The following ARID5B variants were observed in gnomAD, a reference collection of about 807,000 sequenced individuals.
ARID5B encodes the protein AT-rich interactive domain-containing protein 5B.
In ARID5B, 13 loss-of-function variants were observed where a neutral mutation model predicts 97.2. The observed-to-expected ratio is 0.13, with a 90% CI of 0.09 to 0.21. The LOEUF is 0.21. Among genes scored for constraint, ARID5B ranks in the 10% least tolerant of loss-of-function variants. The pLI is 1.00. For synonymous variants in ARID5B, 556 were observed against 570.3 expected (o/e 0.97, Z 0.36); for missense variants, 1,210 against 1,465.3 (o/e 0.83, Z 2.84).
chr10:61,926,776 T>G (rs1307731130), intron 2 of ARID5B, among the ~76,000 whole-genome samples: 3 of 151,530 alleles, frequency 2.0e-5, no homozygotes, highest in Non-Finnish European at 4.4e-5. Context: ...ACCCAGCTAG[T>G]TTTTGGGTTT....
chr10:61,944,574 G>A (rs1844470656), intron 3 of ARID5B, among the ~76,000 whole-genome samples: 1 of 152,236 alleles, frequency 6.6e-6, no homozygotes, highest in African/African-American at 2.4e-5. Flanking sequence ...TTTAAGCGAA[G>A]TATGAAAGCT....
intron 4 of ARID5B, chr10:62,025,058 G>T (rs766169436): frequency 7.7e-4 from 129 of 167,044 alleles, no homozygotes; most frequent in Non-Finnish European, 1.4e-3. Flanking sequence ...TCTCACCATG[G>T]ACCTGATAGC....
rs1422950738 is a variant in ARID5B, at chr10:62,091,303, G to T, written c.1840G>T (p.Asp614Tyr). 6.2e-7 allele frequency: 1 copy of T among 1,614,178 alleles called. No homozygotes were observed. The highest frequency in any genetic ancestry group is 8.5e-7 in the Non-Finnish European group (1 of 1,180,030). ...PLANQNETED[D>Y]KLPAMADYIA... ...GGCAAACCAGAATGAGACGGAGGAT[G>T]ACAAACTGCCCGCCATGGCAGATTA... Residue 614 changes from aspartate (D) to tyrosine (Y), a missense_variant, in exon 10 of 10, where the codon GAC becomes TAC. Transcript: ENST00000279873.
At chr10:62,019,871 A>G (rs571450991) in intron 4 of ARID5B, among the ~76,000 whole-genome samples, 1 of 152,174 alleles carries the variant, frequency 6.6e-6, no homozygotes, top group African/African-American at 2.4e-5. Context: ...GGAGCCACAG[A>G]ATTAGCAAGG....
At chr10:61,968,185 TATAC>T (rs1838573028) in intron 3 of ARID5B, among the ~76,000 whole-genome samples, 2 of 126,340 alleles carry the variant, frequency 1.6e-5, no homozygotes, top group African/African-American at 5.9e-5. Flanking sequence ...CACACATATT[TATAC>T]ACACACACAC....
chr10:61,973,329 G>C (rs913441131), intron 3 of ARID5B, among the ~76,000 whole-genome samples: 1 of 152,158 alleles, frequency 6.6e-6, no homozygotes, highest in Non-Finnish European at 1.5e-5. Flanking sequence ...TCTGTGAAAG[G>C]GTTAACCCAA....
At chr10:61,930,576 C>T (rs1006624514) in intron 2 of ARID5B, among the ~76,000 whole-genome samples, 33 of 151,586 alleles carry the variant, frequency 2.2e-4, no homozygotes, top group Non-Finnish European at 4.4e-4. Context: ...AAAAATTAGC[C>T]GGGTGTGATG....
intron 2 of ARID5B, among the ~76,000 whole-genome samples, chr10:61,903,825 C>T (rs1317520793): frequency 2.0e-5 from 3 of 152,008 alleles, no homozygotes; most frequent in Admixed American, 6.5e-5. Flanking sequence ...TACTGGAGTT[C>T]GTCGAAACGT....
In ARID5B at chr10:62,091,839, C is replaced by T. The variant is rs1464478506; in HGVS notation, c.2376C>T (p.His792=). The T allele has an allele frequency of 3.7e-6, 6 of 1,614,102 alleles. No homozygotes were observed. In the East Asian group the frequency reaches 1.3e-4, roughly 36 times the overall value. Reference sequence around the variant, plus strand: ...ACCGCTGCAGCTTCTCCAAGCATCACCTTAACCCCCTTGCTGACTCCTACG... The same window carrying T: ...ACCGCTGCAGCTTCTCCAAGCATCATCTTAACCCCCTTGCTGACTCCTACG... ...DPHRCSFSKH[H]LNPLADSYVL... Residue 792 remains histidine (H), a synonymous_variant, in exon 10 of 10, where the codon CAC becomes CAT. Transcript: ENST00000279873.
intron 3 of ARID5B, among the ~76,000 whole-genome samples, chr10:61,999,468 C>T (rs1034997136): frequency 4.6e-5 from 7 of 152,194 alleles, no homozygotes; most frequent in Non-Finnish European, 1.0e-4. Flanking sequence ...CAACACAGTA[C>T]ACTGTAGAGT....
chr10:61,978,623 T>C (rs1838733914), intron 3 of ARID5B, among the ~76,000 whole-genome samples: 1 of 152,240 alleles, frequency 6.6e-6, no homozygotes, highest in African/African-American at 2.4e-5. Flanking sequence ...TTTGAAGCAA[T>C]TGTGAATGGG....
chr10:61,905,527 T>A (rs1843694462), intron 2 of ARID5B, among the ~76,000 whole-genome samples: 2 of 151,694 alleles, frequency 1.3e-5, no homozygotes, highest in African/African-American at 4.8e-5. Context: ...TGTACACCCA[T>A]TTTACAGATG....
At chr10:62,077,553 C>T (rs1840154995) in intron 8 of ARID5B, among the ~76,000 whole-genome samples, 1 of 152,102 alleles carries the variant, frequency 6.6e-6, no homozygotes, top group South Asian at 2.1e-4. Flanking sequence ...TGCCAAACAG[C>T]AGTTTTTCTT....
intron 3 of ARID5B, among the ~76,000 whole-genome samples, chr10:61,974,857 A>C (rs1307854098): frequency 6.6e-6 from 1 of 152,086 alleles, no homozygotes; most frequent in Admixed American, 6.5e-5. Flanking sequence ...AACAGTTTGG[A>C]AAATGAAGTA....
intron 3 of ARID5B, among the ~76,000 whole-genome samples, chr10:61,991,706 T>G (rs978935855): frequency 2.0e-5 from 3 of 152,194 alleles, no homozygotes; most frequent in Admixed American, 6.5e-5. Context: ...TTTGTTGTTT[T>G]CTTATGTGCT....
At chr10:62,073,291 T>C (rs1447629964) in intron 8 of ARID5B, among the ~76,000 whole-genome samples, 1 of 152,244 alleles carries the variant, frequency 6.6e-6, no homozygotes, top group East Asian at 1.9e-4. Flanking sequence ...CTGATTTATT[T>C]TTCATGCACT....
chr10:61,969,164 C>G (rs1295652235), intron 3 of ARID5B, among the ~76,000 whole-genome samples: 2 of 152,144 alleles, frequency 1.3e-5, no homozygotes, highest in African/African-American at 2.4e-5. Flanking sequence ...CCCTCCCCCC[C>G]AAATAAAGTG....
At chr10:62,047,882 G>T (rs1327041931) in intron 4 of ARID5B, among the ~76,000 whole-genome samples, 5 of 152,312 alleles carry the variant, frequency 3.3e-5, no homozygotes, top group Non-Finnish European at 7.3e-5. Flanking sequence ...GAATCCAAAA[G>T]GTCTCTGATT....
In ARID5B at chr10:61,928,772, C is replaced by A. The variant is rs1844152520; in HGVS notation, c.277-11411C>A. On this transcript the variant is annotated intron_variant, in intron 2 of 9. Coordinates refer to ENST00000279873, the MANE Select transcript of ARID5B (RefSeq NM_032199.3). ...CTTCATCTTGTTTGATCCATATTAC[C>A]ATCCTGTCTTTTCTGACTTTCTTGG... 4.6e-5 allele frequency among the ~76,000 whole-genome samples: 7 copies of A among 152,192 alleles called. No homozygotes were observed. The South Asian group carries it at 1.4e-3, about 31-fold the overall frequency.
Sources: gnomAD v4.1 joint callset for allele counts (sites outside exome capture counted in the v4.1 genomes callset) on GRCh38, gnomAD v4.1.1 for gene constraint, MANE v1.5 for transcripts, NCBI Gene and HGNC (gene_info 2026-07-23, HGNC 2026-07-21) for gene names.